The following ARMH3 variants were observed in gnomAD, a reference collection of about 807,000 sequenced individuals.
ARMH3 encodes the protein armadillo-like helical domain-containing protein 3.
Under a neutral mutation model 99.1 loss-of-function variants are expected in ARMH3, and 60 were observed. The ratio of observed to expected loss-of-function variants is 0.61; its 90% CI spans 0.49 to 0.75. The LOEUF (loss-of-function observed/expected upper bound fraction) is 0.75, where lower values mean the gene tolerates loss of function less well. Among genes scored for constraint, ARMH3 ranks in the 30% least tolerant of loss-of-function variants. ARMH3 has a pLI of 0.00. For missense variants in ARMH3, 679 were observed against 843.1 expected, an observed-to-expected ratio of 0.81 and a Z score of 2.41; for synonymous variants, 285 against 292.8, an observed-to-expected ratio of 0.97 and a Z score of 0.27.
intron 10 of ARMH3, among the ~76,000 whole-genome samples, chr10:102,012,546 G>A (rs2066654739): frequency 6.6e-6 from 1 of 152,192 alleles, no homozygotes; most frequent in Non-Finnish European, 1.5e-5. Flanking sequence ...CCCACTTGTG[G>A]CTGGAAGACT....
chr10:101,953,026 G>A (rs1199284793), intron 22 of ARMH3, among the ~76,000 whole-genome samples: 1 of 152,194 alleles, frequency 6.6e-6, no homozygotes, highest in Non-Finnish European at 1.5e-5. Context: ...CCCACTGGGT[G>A]TATATACCAT....
intron 23 of ARMH3, among the ~76,000 whole-genome samples, chr10:101,914,314 C>T (rs1418043707): frequency 6.6e-6 from 1 of 151,434 alleles, no homozygotes; most frequent in Admixed American, 6.6e-5. Context: ...TAGTGAAACT[C>T]CGTCTCTACT....
At chr10:102,050,099 C>T (rs1451458821) in intron 1 of ARMH3, among the ~76,000 whole-genome samples, 3 of 151,646 alleles carry the variant, frequency 2.0e-5, no homozygotes, top group African/African-American at 4.9e-5. Context: ...GCTGAGATCG[C>T]GCCACTGTAC....
intron 23 of ARMH3, among the ~76,000 whole-genome samples, chr10:101,896,939 A>T: frequency 6.6e-6 from 1 of 152,196 alleles, no homozygotes; most frequent in Non-Finnish European, 1.5e-5. Flanking sequence ...AATATGTATG[A>T]TATACTTAAG....
At chr10:101,910,965 C>A (rs1842844095) in intron 23 of ARMH3, among the ~76,000 whole-genome samples, 1 of 151,848 alleles carries the variant, frequency 6.6e-6, no homozygotes, top group South Asian at 2.1e-4. Context: ...CATGGTGAAA[C>A]CCCATCTCTA....
chr10:101,916,151 G>C (rs1450142863), intron 23 of ARMH3, among the ~76,000 whole-genome samples: 1 of 152,064 alleles, frequency 6.6e-6, no homozygotes, highest in Non-Finnish European at 1.5e-5. Context: ...GGCCCAGACA[G>C]AAGAAATAAC....
intron 24 of ARMH3, among the ~76,000 whole-genome samples, chr10:101,878,365 T>C (rs1840556254): frequency 6.6e-6 from 1 of 152,182 alleles, no homozygotes; most frequent in African/African-American, 2.4e-5. Context: ...TAAGGCATCA[T>C]GTCTCACGTC....
chr10:101,925,764 G>T (rs1226788271), intron 23 of ARMH3, among the ~76,000 whole-genome samples: 1 of 152,090 alleles, frequency 6.6e-6, no homozygotes, highest in African/African-American at 2.4e-5. Flanking sequence ...CAAAAAATTA[G>T]CTGGGCATGG....
chr10:101,981,167 G>GT (rs1846213912), intron 19 of ARMH3, among the ~76,000 whole-genome samples: 1 of 150,794 alleles, frequency 6.6e-6, no homozygotes, highest in African/African-American at 2.4e-5. Context: ...TCGTTTTTTT[G>GT]TTTTTTTAAG....
At position 101,944,680 on chromosome 10, in the gene ARMH3, G is replaced by A. The variant is rs555931115; in HGVS notation, c.1706-4742C>T. Among the ~76,000 whole-genome samples the A allele has an allele frequency of 3.2e-4, 48 of 152,036 alleles. 1 individual carries two copies. The highest frequency in any genetic ancestry group is 2.8e-4 in the Non-Finnish European group (19 of 67,976). On this transcript the variant is annotated intron_variant, in intron 22 of 25. Coordinates refer to ENST00000370033, the MANE Select transcript of ARMH3 (RefSeq NM_024541.3). ...AATACAAAAATTAGCCAACCATGGT[G>A]GTGCACACCTGTAATCTCAGCTACT...
intron 24 of ARMH3, among the ~76,000 whole-genome samples, chr10:101,861,925 C>G (rs1226605995): frequency 6.8e-6 from 1 of 148,066 alleles, no homozygotes; most frequent in Non-Finnish European, 1.5e-5. Flanking sequence ...TGGTGGGCGC[C>G]TGTAGTCCCA....
At chr10:101,877,010 C>T (rs997979048) in intron 24 of ARMH3, among the ~76,000 whole-genome samples, 1 of 151,970 alleles carries the variant, frequency 6.6e-6, no homozygotes, top group South Asian at 2.1e-4. Flanking sequence ...GAGTACAAGA[C>T]CAACCTAGGC....
intron 24 of ARMH3, among the ~76,000 whole-genome samples, chr10:101,855,515 G>C (rs2135284173): frequency 6.6e-6 from 1 of 151,166 alleles, no homozygotes. Flanking sequence ...TTCAAGACCA[G>C]CCTGGATGAT....
chr10:101,908,961 C>A (rs1334716594), intron 23 of ARMH3, among the ~76,000 whole-genome samples: 1 of 151,844 alleles, frequency 6.6e-6, no homozygotes, highest in Non-Finnish European at 1.5e-5. Flanking sequence ...CCACCCCTGG[C>A]CCTACTATTA....
intron 20 of ARMH3, among the ~76,000 whole-genome samples, chr10:101,973,294 G>C (rs974220172): frequency 1.3e-5 from 2 of 150,764 alleles, no homozygotes; most frequent in Non-Finnish European, 3.0e-5. Context: ...CCCGGGAGGC[G>C]GAGCTTGCAG....
intron 2 of ARMH3, among the ~76,000 whole-genome samples, chr10:102,033,621 T>C (rs1429510864): frequency 1.3e-5 from 2 of 152,116 alleles, no homozygotes; most frequent in South Asian, 2.1e-4. Context: ...GGTTTCACCA[T>C]GTTAGCCAGG....
chr10:101,975,025 C>A (rs1344156486), intron 20 of ARMH3, among the ~76,000 whole-genome samples, 187 bp downstream of exon 20: 1 of 111,462 alleles, frequency 9.0e-6, no homozygotes, highest in Non-Finnish European at 1.7e-5. Context: ...ACACCCAGGT[C>A]TGGATTCGAA....
chr10:101,883,426 T>A (rs2067464520), intron 24 of ARMH3, among the ~76,000 whole-genome samples: 1 of 148,226 alleles, frequency 6.7e-6, no homozygotes, highest in Admixed American at 6.7e-5. Flanking sequence ...TAAAAAAAAA[T>A]AATAAAAGTA....
intron 24 of ARMH3, among the ~76,000 whole-genome samples, chr10:101,876,247 CA>C (rs34928343): frequency 4.3e-4 from 36 of 83,500 alleles, no homozygotes; most frequent in African/African-American, 1.3e-3. Flanking sequence ...GGCTCCATCT[CA>C]AAAAAAAAAA....
Sources: allele counts gnomAD v4.1 joint callset (sites outside exome capture counted in the v4.1 genomes callset), GRCh38; gene constraint gnomAD v4.1.1; transcripts MANE v1.5; gene names NCBI Gene and HGNC (gene_info 2026-07-23, HGNC 2026-07-21).